The following TNRC18 variants were observed in gnomAD, a reference collection of about 807,000 sequenced individuals.
The protein encoded by TNRC18 is trinucleotide repeat containing 18, also known as trinucleotide repeat-containing gene 18 protein.
In TNRC18, 69 loss-of-function variants were observed where a neutral mutation model predicts 226.7. The ratio of observed to expected loss-of-function variants is 0.30; its 90% CI spans 0.25 to 0.37. TNRC18 has a LOEUF of 0.37. Among genes scored for constraint, TNRC18 ranks in the 10% least tolerant of loss-of-function variants. The probability of loss-of-function intolerance (pLI) is 1.00; values close to 1 mark genes in which losing one functional copy is unlikely to be tolerated. For missense variants in TNRC18, 4,754 were observed against 4,256.6 expected (o/e 1.12, Z -3.25); for synonymous variants, 2,449 against 1,927.6 (o/e 1.27, Z -7.09).
rs1425398438 is a variant in TNRC18, at chr7:5,307,580, C to T, written c.*526G>A. 2.2e-6 allele frequency: 1 copy of T among 448,046 alleles called. No homozygotes were observed. Among genetic ancestry groups the T allele is most frequent in the South Asian group, 1.6e-5 (1 of 63,236 alleles). 27.8% of individuals were successfully genotyped at this position (448,046 alleles called of 1,614,324 possible). On this transcript the variant is annotated 3_prime_UTR_variant, in exon 30 of 30. Coordinates refer to ENST00000430969, the MANE Select transcript of TNRC18 (RefSeq NM_001080495.3). ...CTAGGCCATCCTGAGAGGGTGGGGG[C>T]AGGGCCCCTGGCACAGTCAGGTAGG...
chr7:5,399,853 A>AG (rs1780959205), intron 2 of TNRC18, among the ~76,000 whole-genome samples: 3 of 144,630 alleles, frequency 2.1e-5, no homozygotes, highest in Non-Finnish European at 4.6e-5. Context: ...GGCGAAAACC[A>AG]CCCCCCGCCC....
At chr7:5,308,423 A>G (rs557327142) in intron 29 of TNRC18, 111 bp from the exon 30 acceptor site, 1 of 993,618 alleles carries the variant, frequency 1.0e-6, no homozygotes, top group Non-Finnish European at 1.5e-6. Context: ...AGGGACTGAG[A>G]CAGAGACCAA....
intron 18 of TNRC18, among the ~76,000 whole-genome samples, chr7:5,343,512 T>A (rs1306548285): frequency 6.6e-6 from 1 of 152,130 alleles, no homozygotes; most frequent in Non-Finnish European, 1.5e-5. Flanking sequence ...AGCCTCGACC[T>A]CCCGAGCTCC....
chr7:5,308,003 C>G lies in TNRC18; in HGVS notation c.*103G>C. On this transcript the variant is annotated 3_prime_UTR_variant, in exon 30 of 30. Transcript: ENST00000430969. ...GGCCCCATGCACACGCCTGCAGGAG[C>G]GCTCGCATGCACACAACGCACGTGG... is the stretch of plus-strand genomic sequence containing the variant. 9.1e-7 allele frequency: 1 copy of G among 1,100,218 alleles called. No homozygotes were observed. Among genetic ancestry groups the G allele is most frequent in the East Asian group, 2.6e-5 (1 of 38,584 alleles). 68.2% of individuals were successfully genotyped at this position (1,100,218 alleles called of 1,614,324 possible).
chr7:5,362,900 A>C, intron 11 of TNRC18, 75 bp from the exon 12 acceptor site: 4 of 1,408,758 alleles, frequency 2.8e-6, no homozygotes, highest in Non-Finnish European at 3.7e-6. Context: ...CCGAGGCCCA[A>C]AGCAAGCGCA....
intron 2 of TNRC18, 162 bp downstream of exon 2, chr7:5,420,898 C>G (rs1478298022): frequency 1.8e-5 from 16 of 912,230 alleles, no homozygotes; most frequent in Admixed American, 4.0e-5. Flanking sequence ...GCCTTGGCTC[C>G]GGGACCAGGA....
intron 5 of TNRC18, among the ~76,000 whole-genome samples, chr7:5,380,538 A>C (rs1779327056): frequency 6.6e-6 from 1 of 152,160 alleles, no homozygotes; most frequent in South Asian, 2.1e-4. Flanking sequence ...TGCAGGACCG[A>C]GTGTACGGAG....
Position 5,361,609 on chromosome 7 carries a change from C to G in TNRC18, c.4646G>C (p.Gly1549Ala). Residue 1549 changes from glycine to alanine, a missense_variant, in exon 14 of 30, where the codon GGC becomes GCC. Gly to Ala is a moderately conservative substitution (Grantham distance 60, BLOSUM62 0). Coordinates refer to ENST00000430969, the MANE Select transcript of TNRC18 (RefSeq NM_001080495.3). ...CCAGCCTTACTTTCCGCTACTGTGG[C>G]CGCTCTTCCCTCTCTTGCGGGGGGG... ...LSPPRKRGKS[G>A]HSSGKLSSKS... 1 of 1,536,862 alleles carries G rather than the reference C, an allele frequency of 6.5e-7. No homozygotes were observed.
At chr7:5,350,437 CG>C (rs1406420758) in intron 17 of TNRC18, among the ~76,000 whole-genome samples, 1 of 61,998 alleles carries the variant, frequency 1.6e-5, no homozygotes, top group African/African-American at 6.9e-5. Context: ...ACAGGGCGGG[CG>C]GGGGGCGGGG....
At chr7:5,352,182 T>A in intron 16 of TNRC18, 88 bp from the exon 17 acceptor site, 2 of 1,368,566 alleles carry the variant, frequency 1.5e-6, no homozygotes, top group Non-Finnish European at 2.0e-6. Context: ...TCTGAGAACG[T>A]ACTGGAAGGT....
intron 2 of TNRC18, among the ~76,000 whole-genome samples, chr7:5,417,771 T>C (rs1252805081): frequency 6.6e-6 from 1 of 152,218 alleles, no homozygotes; most frequent in Admixed American, 6.5e-5. Context: ...AGGGCCTCCC[T>C]TGTCGCCTCT....
intron 18 of TNRC18, among the ~76,000 whole-genome samples, chr7:5,344,832 G>C (rs909416781): frequency 6.6e-6 from 1 of 152,210 alleles, no homozygotes; most frequent in Non-Finnish European, 1.5e-5. Flanking sequence ...TGAGAACAGG[G>C]AGGGCCCACG....
chr7:5,345,517 G>GGGGGGGGGCCCCCCCCCCCCCCC, intron 18 of TNRC18, 45 bp downstream of exon 18: 23 of 377,714 alleles, frequency 6.1e-5, no homozygotes, highest in South Asian at 8.8e-5. Context: ...AATGGCGTCC[G>GGGGGGGGGCCCCCCCCCCCCCCC]CCCCTCCCAC....
At position 5,377,591 on chromosome 7, in the gene TNRC18, A is replaced by C; in HGVS notation, c.2256-15T>G. 1 of 1,564,720 alleles carries C rather than the reference A, an allele frequency of 6.4e-7. No homozygotes were observed. The highest frequency in any genetic ancestry group is 1.2e-5 in the South Asian group (1 of 85,296). ...CCTTACTCTCTCTGGAAGGAGGATC[A>C]TAGGTGTCAGCGACAGCTCGGACAG... On this transcript the variant is annotated splice_polypyrimidine_tract_variant and intron_variant, in intron 6 of 29. Transcript: ENST00000430969. This position sits in a 1 kb window ranked among gnomAD's most constrained non-coding sequence, Gnocchi z 5.8.
chr7:5,353,562 G>GA (rs35875231), intron 16 of TNRC18, among the ~76,000 whole-genome samples: 20,922 of 86,656 alleles, frequency 0.24, 2,246 homozygotes, highest in African/African-American at 0.3. Context: ...ATCATCTAAA[G>GA]AAAAAAAAAA....
At chr7:5,342,521 C>T (rs577051476) in intron 18 of TNRC18, among the ~76,000 whole-genome samples, 6 of 152,014 alleles carry the variant, frequency 3.9e-5, no homozygotes, top group South Asian at 4.2e-4. Flanking sequence ...TTACTGCAGA[C>T]GTGGTGGAAA....
intron 21 of TNRC18, among the ~76,000 whole-genome samples, chr7:5,323,212 T>C (rs1788555264): frequency 1.3e-5 from 2 of 152,026 alleles, no homozygotes; most frequent in South Asian, 2.1e-4. Context: ...CCCCCATCCA[T>C]ACCCACGATT....
chr7:5,388,461 C>A lies in TNRC18; in HGVS notation c.1363G>T (p.Asp455Tyr). 6.9e-7 allele frequency: 1 copy of A among 1,439,064 alleles called. No individual in the cohort carries two copies. Among genetic ancestry groups the A allele is most frequent in the Non-Finnish European group, 9.0e-7 (1 of 1,108,642 alleles). 89.1% of individuals were successfully genotyped at this position (1,439,064 alleles called of 1,614,324 possible). A position where few individuals can be genotyped will look rare whatever the true frequency, so the allele number is the denominator to read the frequency against. ...PTVRATRASP[D>Y]PRAYVPAKEL... ...TTGGCAGGCACGTAGGCGCGGGGGTCCGGGGAGGCGCGTGTGGCCCGCACC... is the reference window on the plus strand; with the variant it reads ...TTGGCAGGCACGTAGGCGCGGGGGTACGGGGAGGCGCGTGTGGCCCGCACC... The change falls in exon 5 of 30, where the codon GAC (aspartate) becomes TAC (tyrosine). Residue 455 changes from aspartate (D) to tyrosine (Y), a missense_variant. By Grantham distance (160) the Asp-to-Tyr change is radical (BLOSUM62 -3). Coordinates refer to ENST00000430969, the MANE Select transcript of TNRC18 (RefSeq NM_001080495.3).
chr7:5,346,310 G>A (rs552695644), intron 17 of TNRC18, among the ~76,000 whole-genome samples: 4 of 152,294 alleles, frequency 2.6e-5, no homozygotes, highest in East Asian at 3.9e-4. Context: ...GAGGGCTGGC[G>A]GCAGGAGAAA....
Sources: allele counts gnomAD v4.1 joint callset (sites outside exome capture counted in the v4.1 genomes callset), GRCh38; gene constraint gnomAD v4.1.1; non-coding constraint Gnocchi (gnomAD v3.1); transcripts MANE v1.5; gene names NCBI Gene and HGNC (gene_info 2026-07-23, HGNC 2026-07-21).